Variants in PDE10A observed in about 807,000 individuals in gnomAD.
The protein encoded by PDE10A is cAMP and cAMP-inhibited cGMP 3',5'-cyclic phosphodiesterase 10A.
A neutral mutation model predicts 97.7 loss-of-function variants in PDE10A; 39 were observed. The ratio of observed to expected loss-of-function variants is 0.40; its 90% CI spans 0.31 to 0.52. The LOEUF is 0.52. PDE10A is among the 20% of genes least tolerant of loss of function. PDE10A has a pLI of 0.56. For synonymous variants in PDE10A, 371 were observed against 376.8 expected, an observed-to-expected ratio of 0.98 and a Z score of 0.18; for missense variants, 731 against 1,047.8, an observed-to-expected ratio of 0.70 and a Z score of 4.17.
At chr6:165,675,114 G>C (rs765508226) in intron 1 of PDE10A, among the ~76,000 whole-genome samples, 3 of 152,194 alleles carry the variant, frequency 2.0e-5, no homozygotes, top group African/African-American at 7.2e-5. Flanking sequence ...AAAATCAATA[G>C]TTTTGTCTAT....
intron 1 of PDE10A, among the ~76,000 whole-genome samples, chr6:165,941,534 G>A (rs1391619056): frequency 6.6e-6 from 1 of 152,198 alleles, no homozygotes; most frequent in Non-Finnish European, 1.5e-5. Context: ...GGTGGGGGAT[G>A]TCGGGATCAT....
At chr6:165,663,755 C>T (rs1790414694), upstream of PDE10A, among the ~76,000 whole-genome samples, 1 of 152,158 alleles carries the variant, frequency 6.6e-6, no homozygotes. Context: ...GGTTAGAGAA[C>T]GGAAAGGGCA....
intron 1 of PDE10A, among the ~76,000 whole-genome samples, chr6:165,817,786 C>T (rs1010074132): frequency 5.9e-5 from 9 of 152,236 alleles, no homozygotes; most frequent in African/African-American, 1.7e-4. Context: ...ACTCCAGTTT[C>T]CTGACCTGTA....
intron 1 of PDE10A, among the ~76,000 whole-genome samples, chr6:165,593,714 A>G (rs534734734): frequency 6.6e-6 from 1 of 152,310 alleles, no homozygotes; most frequent in East Asian, 1.9e-4. Flanking sequence ...ACTTGCTGAG[A>G]TATTTTTAAA....
At chr6:165,639,458 C>T (rs1241360235) in intron 1 of PDE10A, among the ~76,000 whole-genome samples, 1 of 152,114 alleles carries the variant, frequency 6.6e-6, no homozygotes, top group African/African-American at 2.4e-5. Context: ...GAAGAGAGGG[C>T]AGGATGCAGT....
At chr6:165,468,504 T>C (rs1047731396) in intron 3 of PDE10A, among the ~76,000 whole-genome samples, 7 of 152,194 alleles carry the variant, frequency 4.6e-5, no homozygotes, top group Admixed American at 2.0e-4. Flanking sequence ...CAAAAAATTC[T>C]TGTGACTCAC....
intron 1 of PDE10A, among the ~76,000 whole-genome samples, chr6:165,768,003 G>A (rs1777910437): frequency 6.6e-6 from 1 of 152,096 alleles, no homozygotes; most frequent in African/African-American, 2.4e-5. Context: ...GGACCTAATT[G>A]TGGTTTTGAT....
upstream of PDE10A, among the ~76,000 whole-genome samples, chr6:165,665,410 AAGG>A (rs1287546391): frequency 6.6e-6 from 1 of 152,150 alleles, no homozygotes; most frequent in Non-Finnish European, 1.5e-5. Context: ...GATATATCAG[AAGG>A]AGGAGAGGGC....
At position 165,328,595 on chromosome 6, in the gene PDE10A, G is replaced by A. The variant is rs772882605; in HGVS notation, c.*4430C>T. 2 of 152,152 alleles carry A rather than the reference G, an allele frequency of 1.3e-5. No individual in the cohort carries two copies. Among genetic ancestry groups the A allele is most frequent in the Non-Finnish European group, 2.9e-5 (2 of 68,020 alleles). 9.4% of individuals were successfully genotyped at this position (152,152 alleles called of 1,614,324 possible). A position where few individuals can be genotyped will look rare whatever the true frequency, so the allele number is the denominator to read the frequency against. ...AGGAAAGAGCACGTAGGCTCTGTAC[G>A]GCTTTGCAAGCCCTGCTCTCCATTG... On this transcript the variant is annotated 3_prime_UTR_variant, in exon 22 of 22. Coordinates refer to ENST00000539869, the MANE Select transcript of PDE10A (RefSeq NM_001385079.1).
intron 1 of PDE10A, among the ~76,000 whole-genome samples, chr6:165,830,077 T>A (rs564425128): frequency 1.3e-5 from 2 of 152,328 alleles, no homozygotes; most frequent in South Asian, 4.1e-4. Flanking sequence ...AGTATCAACA[T>A]GAAGACATGA....
intron 1 of PDE10A, among the ~76,000 whole-genome samples, chr6:165,696,546 G>A (rs1412886357): frequency 6.6e-6 from 1 of 152,106 alleles, no homozygotes; most frequent in Non-Finnish European, 1.5e-5. Flanking sequence ...ATCCACTGGG[G>A]GGGTCTTGGA....
intron 18 of PDE10A, among the ~76,000 whole-genome samples, chr6:165,365,424 G>C (rs1488552247): frequency 6.6e-6 from 1 of 152,194 alleles, no homozygotes; most frequent in African/African-American, 2.4e-5. Context: ...GGCTGGACAT[G>C]ATGGCTCATA....
intron 1 of PDE10A, chr6:165,939,322 T>C (rs1233069836): frequency 6.6e-6 from 1 of 152,266 alleles, no homozygotes; most frequent in Admixed American, 6.5e-5. Flanking sequence ...GATGTATTTA[T>C]ATCTGTAAAT....
intron 1 of PDE10A, among the ~76,000 whole-genome samples, chr6:165,610,645 A>G (rs1787450464): frequency 6.6e-6 from 1 of 152,206 alleles, no homozygotes; most frequent in African/African-American, 2.4e-5. Context: ...TAACTTGTGG[A>G]ACTTTTTAAC....
chr6:165,951,497 G>T (rs971615354), intron 1 of PDE10A, among the ~76,000 whole-genome samples: 1 of 152,000 alleles, frequency 6.6e-6, no homozygotes, highest in African/African-American at 2.4e-5. Context: ...CCTACCAACC[G>T]TCAATTGCCC....
At chr6:165,953,982 T>C (rs1368058968) in intron 1 of PDE10A, among the ~76,000 whole-genome samples, 5 of 152,244 alleles carry the variant, frequency 3.3e-5, no homozygotes, top group Non-Finnish European at 7.3e-5. Flanking sequence ...GTTTCATCTT[T>C]TCCAGAAACC....
At chr6:165,349,715 C>T (rs906205108) in intron 18 of PDE10A, among the ~76,000 whole-genome samples, 19 of 152,290 alleles carry the variant, frequency 1.2e-4, no homozygotes, top group Non-Finnish European at 2.4e-4. Flanking sequence ...GAAATGGTTT[C>T]GTGGGCCCCC....
At chr6:165,396,568 C>T in intron 13 of PDE10A, 109 bp from the exon 14 acceptor site, 1 of 1,050,282 alleles carries the variant, frequency 9.5e-7, no homozygotes, top group African/African-American at 1.6e-5. Flanking sequence ...AGAATTAAAA[C>T]CAAAGTGGAT....
intron 1 of PDE10A, among the ~76,000 whole-genome samples, chr6:165,709,568 G>A (rs1246394575): frequency 2.0e-5 from 1 of 49,186 alleles, no homozygotes; most frequent in Admixed American, 2.4e-4. Flanking sequence ...CCATGCAGCC[G>A]CGCTATCCCC....
Sources: gnomAD v4.1 joint callset for allele counts (sites outside exome capture counted in the v4.1 genomes callset) on GRCh38, gnomAD v4.1.1 for gene constraint, MANE v1.5 for transcripts, NCBI Gene and HGNC (gene_info 2026-07-23, HGNC 2026-07-21) for gene names.